Variants in XRN1 observed in about 807,000 individuals in gnomAD.
The protein encoded by XRN1 is strand-exchange protein 1 homolog.
A neutral mutation model predicts 222.3 loss-of-function variants in XRN1; 67 were observed. The ratio of observed to expected loss-of-function variants is 0.30; its 90% CI spans 0.25 to 0.37. The LOEUF is 0.37. XRN1 is among the 10% of genes least tolerant of loss of function. XRN1 has a pLI of 1.00. For missense variants in XRN1, 1,707 were observed against 2,000.2 expected, an observed-to-expected ratio of 0.85 and a Z score of 2.80; for synonymous variants, 643 against 652.4, an observed-to-expected ratio of 0.99 and a Z score of 0.22.
chr3:142,376,547 A>C lies in XRN1; in HGVS notation c.2763T>G (p.Leu921=), dbSNP rs2067147862. The change falls in exon 24 of 41, where the codon CTT becomes CTG. Residue 921 remains leucine (L), a synonymous_variant. Transcript: ENST00000392981. ...TTGAAACAAGGTATCCACTCACTCC[A>C]AGGCGACTGGCCAACACATATCCTG... ...YNPGYVLASR[L]GVSGYLVSRF... The C allele has an allele frequency of 6.2e-7, 1 of 1,613,300 alleles. No homozygotes were observed. Among genetic ancestry groups the C allele is most frequent in the African/African-American group, 1.3e-5 (1 of 74,898 alleles).
rs761288901 is a variant in XRN1, at chr3:142,318,672, G to A, written c.4541C>T (p.Pro1514Leu). Residue 1514 changes from proline to leucine, a missense_variant, in exon 39 of 41, where the codon CCT becomes CTT. Pro to Leu is a moderately conservative substitution (Grantham distance 98, BLOSUM62 -3). Coordinates refer to ENST00000392981, the MANE Select transcript of XRN1 (RefSeq NM_001282857.2). ...QQLGSLGMNF[P>L]LPSQVFANYP... Reference sequence around the variant, plus strand: ...ATTTGCAAATACTTGTGAAGGCAAAGGGAAATTCATGCCTAAGGAGCCCTG... The same window carrying A: ...ATTTGCAAATACTTGTGAAGGCAAAAGGAAATTCATGCCTAAGGAGCCCTG... The A allele has an allele frequency of 2.5e-6, 4 of 1,609,420 alleles. No individual in the cohort carries two copies. The South Asian group carries it at 3.3e-5, about 13-fold the overall frequency.
chr3:142,398,553 GAC>G (rs1156334269), intron 19 of XRN1, among the ~76,000 whole-genome samples: 1 of 151,880 alleles, frequency 6.6e-6, no homozygotes, highest in Non-Finnish European at 1.5e-5. Context: ...TTTTTGTAGA[GAC>G]AGAGTCTCAC....
intron 1 of XRN1, among the ~76,000 whole-genome samples, chr3:142,442,218 T>C (rs1318585041): frequency 6.6e-6 from 1 of 152,094 alleles, no homozygotes; most frequent in Non-Finnish European, 1.5e-5. Flanking sequence ...GGAACACCTA[T>C]CAAACATCAG....
At chr3:142,366,632 G>A (rs1039560835) in intron 27 of XRN1, among the ~76,000 whole-genome samples, 1 of 152,110 alleles carries the variant, frequency 6.6e-6, no homozygotes, top group Non-Finnish European at 1.5e-5. Flanking sequence ...AGCAGTAGGG[G>A]GAGACATTAC....
chr3:142,362,280 G>A (rs1005233510), intron 29 of XRN1, among the ~76,000 whole-genome samples: 3 of 152,058 alleles, frequency 2.0e-5, no homozygotes, highest in African/African-American at 7.2e-5. Context: ...TGGGATTACA[G>A]GCATGCACCA....
intron 2 of XRN1, among the ~76,000 whole-genome samples, chr3:142,431,851 ATATATTATATATAATATAT>A (rs2069547173): frequency 2.6e-5 from 1 of 38,366 alleles, no homozygotes; most frequent in Non-Finnish European, 4.4e-5. Context: ...TAAAAAATAT[ATATATTATATATAATATAT>A]TATATTATAT....
At chr3:142,392,668 G>T (rs1577352483) in intron 20 of XRN1, among the ~76,000 whole-genome samples, 1 of 151,066 alleles carries the variant, frequency 6.6e-6, no homozygotes, top group Admixed American at 6.6e-5. Context: ...CATTTTTTAT[G>T]GCTGCATAGT....
chr3:142,397,209 G>C (rs2067963579), intron 20 of XRN1, 120 bp downstream of exon 20: 2 of 956,316 alleles, frequency 2.1e-6, no homozygotes, highest in South Asian at 3.1e-5. Flanking sequence ...TTCTAAAACA[G>C]GATGAAGGTG....
chr3:142,367,799 T>A (rs1577305838), intron 27 of XRN1, among the ~76,000 whole-genome samples: 1 of 152,106 alleles, frequency 6.6e-6, no homozygotes, highest in East Asian at 1.9e-4. Context: ...AGTGCTGGAA[T>A]TACAGCTGTG....
rs66486380 is a variant in XRN1, at chr3:142,375,974, G to GCACACACA, written c.2832-38_2832-31dup. On this transcript the variant is annotated intron_variant, in intron 24 of 40. Transcript: ENST00000392981. ...ATTTAAACCACACATGCGCACACGT[G>GCACACACA]CACACACACACACACACACACACAC... The GCACACACA allele has an allele frequency of 1.5e-3, 2,141 of 1,447,246 alleles. 5 individuals carry two copies. The highest frequency in any genetic ancestry group is 8.1e-3 in the African/African-American group (557 of 68,800). The allele number at this position is 1,447,246 out of a possible 1,614,324, so 89.7% of individuals were successfully genotyped here. A position where few individuals can be genotyped will look rare whatever the true frequency, so the allele number is the denominator to read the frequency against.
intron 30 of XRN1, 107 bp downstream of exon 30, chr3:142,359,755 T>C (rs1237379596): frequency 2.6e-6 from 2 of 780,906 alleles, no homozygotes; most frequent in Non-Finnish European, 4.1e-6. Context: ...AGCAAGTACG[T>C]CTTACACATC....
chr3:142,441,481 G>A lies in XRN1; in HGVS notation c.75+6389C>T, dbSNP rs559177217. The stretch of plus-strand genomic sequence containing the variant: ...GCTCTAGGAGTCCTTACACAGGTCC[G>A]AGGGACGAGCTTGCAACCGTGGCAT... On this transcript the variant is annotated intron_variant, in intron 1 of 40. Coordinates refer to ENST00000392981, the MANE Select transcript of XRN1 (RefSeq NM_001282857.2). Among the ~76,000 whole-genome samples, 10 of 152,340 alleles carry A rather than the reference G, an allele frequency of 6.6e-5. No individual in the cohort carries two copies. The South Asian group carries it at 1.7e-3, about 25-fold the overall frequency.
chr3:142,428,915 T>C (rs1396468158), intron 2 of XRN1, among the ~76,000 whole-genome samples: 1 of 152,080 alleles, frequency 6.6e-6, no homozygotes, highest in East Asian at 1.9e-4. Context: ...ATCAAAGCCA[T>C]TGGATGAAAT....
At chr3:142,409,140 TG>T (rs2068464294) in intron 15 of XRN1, among the ~76,000 whole-genome samples, 1 of 152,240 alleles carries the variant, frequency 6.6e-6, no homozygotes, top group South Asian at 2.1e-4. Context: ...TCCTACACTG[TG>T]GCTTATCTAC....
At position 142,310,963 on chromosome 3, in the gene XRN1, A is replaced by C. The variant is rs1196464567; in HGVS notation, c.*548T>G. 1 of 152,674 alleles carries C rather than the reference A, an allele frequency of 6.5e-6. No homozygotes were observed. Among genetic ancestry groups the C allele is most frequent in the Non-Finnish European group, 1.5e-5 (1 of 68,082 alleles). The allele number at this position is 152,674 out of a possible 1,614,324, so 9.5% of individuals were successfully genotyped here. A position where few individuals can be genotyped will look rare whatever the true frequency, so the allele number is the denominator to read the frequency against. On this transcript the variant is annotated 3_prime_UTR_variant, in exon 41 of 41. Transcript: ENST00000392981. ...TGATCCTTTCACAGCAGGTCTAAAG[A>C]CCCTCAGAGGCAACAAAGCATAAGT...
rs371969192 is a variant in XRN1 at position 142,434,510 on chromosome 3, CTT to C, written c.76-1619_76-1618del. On this transcript the variant is annotated intron_variant, in intron 1 of 40. Transcript: ENST00000392981. ...ACTTGATCAAATTTTTTTTTTTACA[CTT>C]TTTTTTTTTTTTTTTTTACATTTTA... 5.8e-3 allele frequency among the ~76,000 whole-genome samples: 763 copies of C among 130,580 alleles called. 8 individuals are homozygous for C. The highest frequency in any genetic ancestry group is 0.019 in the African/African-American group (687 of 35,398). 85.7% of individuals were successfully genotyped at this position (130,580 alleles called of 152,430 possible).
In XRN1 at chr3:142,422,645, T is replaced by C. The variant is rs979318453; in HGVS notation, c.904A>G (p.Ile302Val). Residue 302 changes from isoleucine to valine, a missense_variant, in exon 8 of 41, where the codon ATT (isoleucine) becomes GTT (valine). Around this residue, in one of 2 missense-constraint regions of XRN1, gnomAD observed 1,234 missense variants for 1,518.2 expected, o/e 0.81. Coordinates refer to ENST00000392981, the MANE Select transcript of XRN1 (RefSeq NM_001282857.2). ...AGAAGAGGCAGTGCATCATGATTAATATGTAAATGAGGTAGATGAGGGATA... is the reference window on the plus strand; with the variant it reads ...AGAAGAGGCAGTGCATCATGATTAACATGTAAATGAGGTAGATGAGGGATA... The part of the protein sequence containing the change: ...DFIPHLPHLH[I>V]NHDALPLLYG... 6.2e-7 allele frequency: 1 copy of C among 1,613,662 alleles called. No individual in the cohort carries two copies.
At chr3:142,327,518 T>C (rs980754600) in intron 37 of XRN1, among the ~76,000 whole-genome samples, 20 of 152,030 alleles carry the variant, frequency 1.3e-4, no homozygotes, top group African/African-American at 4.8e-4. Context: ...TTTGTTGATT[T>C]TGCTTATCTT....
intron 18 of XRN1, among the ~76,000 whole-genome samples, chr3:142,401,480 C>T (rs1019614690): frequency 7.6e-4 from 115 of 151,902 alleles, no homozygotes; most frequent in African/African-American, 2.5e-3. Context: ...TTTGGGAGGC[C>T]GAGGCAGGTG....
Sources: allele counts gnomAD v4.1 joint callset (sites outside exome capture counted in the v4.1 genomes callset), GRCh38; gene constraint gnomAD v4.1.1; regional missense constraint gnomAD v4.1.1; transcripts MANE v1.5; gene names NCBI Gene and HGNC (gene_info 2026-07-23, HGNC 2026-07-21).